DIAPH3: variants seen among roughly 807,000 people sequenced by gnomAD.
DIAPH3 encodes the protein diaphanous related formin 3, also known as protein diaphanous homolog 3.
Under a neutral mutation model 144.3 loss-of-function variants are expected in DIAPH3, and 117 were observed. That is an observed-to-expected ratio of 0.81 (90% CI 0.70 to 0.95). The LOEUF (loss-of-function observed/expected upper bound fraction) is 0.95. DIAPH3 is among the 40% of genes least tolerant of loss of function. The probability of loss-of-function intolerance (pLI) is 0.00; values close to 1 mark genes in which losing one functional copy is unlikely to be tolerated. For synonymous variants in DIAPH3, 519 were observed against 488.9 expected (o/e 1.06, Z -0.81); for missense variants, 1,421 against 1,412.7 (o/e 1.01, Z -0.09).
At chr13:59,848,465 G>C (rs1275467936) in intron 22 of DIAPH3, among the ~76,000 whole-genome samples, 215 of 120,672 alleles carry the variant, frequency 1.8e-3, no homozygotes, top group South Asian at 2.5e-3. Flanking sequence ...ATCCCTCCCC[G>C]CTCCCCCCAC....
chr13:60,030,383 A>G (rs2054700752), intron 5 of DIAPH3, among the ~76,000 whole-genome samples: 1 of 152,178 alleles, frequency 6.6e-6, no homozygotes, highest in Admixed American at 6.5e-5. Flanking sequence ...AAGGAATCGC[A>G]ACAATTTAAG....
chr13:59,817,978 C>T (rs2040865849), intron 24 of DIAPH3, among the ~76,000 whole-genome samples: 1 of 151,750 alleles, frequency 6.6e-6, no homozygotes, highest in Non-Finnish European at 1.5e-5. Context: ...TTCATAGTAC[C>T]TATGGCTTCC....
intron 20 of DIAPH3, among the ~76,000 whole-genome samples, chr13:59,894,106 A>T (rs1194962646): frequency 2.6e-5 from 4 of 152,084 alleles, no homozygotes; most frequent in Non-Finnish European, 5.9e-5. Flanking sequence ...GAGCATTCAG[A>T]TCAAATCACT....
chr13:59,844,638 T>C (rs762389578), intron 22 of DIAPH3, among the ~76,000 whole-genome samples: 3 of 152,190 alleles, frequency 2.0e-5, no homozygotes, highest in Admixed American at 1.3e-4. Context: ...CTTTCAATCT[T>C]CTCACCAAGA....
chr13:59,765,880 T>G (rs1454600775), intron 27 of DIAPH3, among the ~76,000 whole-genome samples: 1 of 152,172 alleles, frequency 6.6e-6, no homozygotes, highest in Admixed American at 6.5e-5. Context: ...GTTGTTTTCT[T>G]AGAAAAGATT....
At chr13:59,732,218 C>T (rs757084994) in intron 27 of DIAPH3, among the ~76,000 whole-genome samples, 1 of 150,444 alleles carries the variant, frequency 6.6e-6, no homozygotes, top group Non-Finnish European at 1.5e-5. Context: ...AAATTTAGCT[C>T]AAATTATATT....
At chr13:59,713,749 C>T (rs1454279141) in intron 27 of DIAPH3, among the ~76,000 whole-genome samples, 1 of 152,100 alleles carries the variant, frequency 6.6e-6, no homozygotes, top group Non-Finnish European at 1.5e-5. Context: ...AAAGGACTTC[C>T]AAGAAAAATT....
chr13:60,068,341 A>AT (rs1287519278), intron 4 of DIAPH3, among the ~76,000 whole-genome samples: 1 of 152,160 alleles, frequency 6.6e-6, no homozygotes, highest in Admixed American at 6.6e-5. Context: ...GTATGAAGGT[A>AT]TTTTTTCTCC....
At chr13:59,776,610 C>A (rs2038426373) in intron 25 of DIAPH3, among the ~76,000 whole-genome samples, 1 of 151,542 alleles carries the variant, frequency 6.6e-6, no homozygotes. Flanking sequence ...AACATGTTTT[C>A]ATATTGATAG....
intron 24 of DIAPH3, among the ~76,000 whole-genome samples, chr13:59,823,833 C>A (rs2041216535): frequency 6.6e-6 from 1 of 152,114 alleles, no homozygotes; most frequent in South Asian, 2.1e-4. Context: ...CAATTTTACA[C>A]TAAAAATACC....
chr13:60,091,643 A>G (rs1173182159), intron 4 of DIAPH3, among the ~76,000 whole-genome samples: 1 of 152,146 alleles, frequency 6.6e-6, no homozygotes, highest in Non-Finnish European at 1.5e-5. Flanking sequence ...GTGAACTTAC[A>G]AATAGTAAAT....
intron 27 of DIAPH3, among the ~76,000 whole-genome samples, chr13:59,751,712 A>G (rs1456498381): frequency 2.6e-5 from 4 of 152,260 alleles, no homozygotes; most frequent in Non-Finnish European, 4.4e-5. Context: ...ATAATTTTAC[A>G]TCAAACAGGA....
intron 5 of DIAPH3, among the ~76,000 whole-genome samples, chr13:60,030,890 G>C (rs1224689221): frequency 6.6e-6 from 1 of 152,170 alleles, no homozygotes; most frequent in East Asian, 1.9e-4. Context: ...TGTCATTGTA[G>C]AAAGTTCTAT....
At chr13:59,780,544 C>T (rs1324263301) in intron 25 of DIAPH3, among the ~76,000 whole-genome samples, 4 of 152,112 alleles carry the variant, frequency 2.6e-5, no homozygotes. Context: ...ACTAGACTAA[C>T]TGCAAAAGTC....
intron 1 of DIAPH3, among the ~76,000 whole-genome samples, chr13:60,157,858 T>C (rs538203417): frequency 1.3e-5 from 2 of 152,294 alleles, no homozygotes; most frequent in South Asian, 2.1e-4. Flanking sequence ...CTGTGCTGCT[T>C]GGAGTCTGTC....
chr13:60,050,371 C>A (rs933248453), intron 4 of DIAPH3, among the ~76,000 whole-genome samples: 1 of 152,262 alleles, frequency 6.6e-6, no homozygotes, highest in East Asian at 1.9e-4. Flanking sequence ...TCAGTGAACA[C>A]GACAAGAGTT....
chr13:60,135,378 T>C (rs971608248), intron 1 of DIAPH3, among the ~76,000 whole-genome samples: 5 of 152,170 alleles, frequency 3.3e-5, no homozygotes, highest in African/African-American at 4.8e-5. Context: ...AGCCCAGTTA[T>C]AACCTATGTT....
At chr13:60,067,222 C>T (rs1008900904) in intron 4 of DIAPH3, among the ~76,000 whole-genome samples, 7 of 151,848 alleles carry the variant, frequency 4.6e-5, no homozygotes, top group Admixed American at 3.9e-4. Context: ...GGAATTGAGG[C>T]TGCAGTAAGC....
chr13:60,030,084 A>T (rs1299905535), intron 5 of DIAPH3, among the ~76,000 whole-genome samples: 2 of 152,146 alleles, frequency 1.3e-5, no homozygotes, highest in African/African-American at 4.8e-5. Flanking sequence ...ACCACCTCAG[A>T]AAGACTTTCT....
Sources: gnomAD v4.1 joint callset for allele counts (sites outside exome capture counted in the v4.1 genomes callset) on GRCh38, gnomAD v4.1.1 for gene constraint, MANE v1.5 for transcripts, NCBI Gene and HGNC (gene_info 2026-07-23, HGNC 2026-07-21) for gene names.